NIPAL3: variants seen among roughly 807,000 people sequenced by gnomAD.
NIPAL3 encodes NIPA like domain containing 3, also known as NIPA-like protein 3.
A neutral mutation model predicts 47.2 loss-of-function variants in NIPAL3; 41 were observed. That is an observed-to-expected ratio of 0.87 (90% confidence interval 0.68 to 1.13). NIPAL3 has a LOEUF of 1.13. Among genes scored for constraint, NIPAL3 ranks in the 50% most tolerant of loss-of-function variants. The pLI is 0.00. For synonymous variants in NIPAL3, 194 were observed against 209.6 expected, an observed-to-expected ratio of 0.93 and a Z score of 0.64; for missense variants, 449 against 530.1, an observed-to-expected ratio of 0.85 and a Z score of 1.50.
chr1:24,431,540 A>T (rs1644878560), intron 2 of NIPAL3, among the ~76,000 whole-genome samples: 1 of 152,112 alleles, frequency 6.6e-6, no homozygotes, highest in African/African-American at 2.4e-5. Context: ...TTATTTTATG[A>T]CCTTTAAGTG....
In NIPAL3 at chr1:24,469,017, T is replaced by G; in HGVS notation, c.1053T>G (p.Thr351=). ...AGAACATGCACGATAAAGGGATGAC[T>G]GTCCAGCCTGAACTTAAAGCTTCTT... ...GMQNMHDKGM[T]VQPELKASFS... is the part of the protein sequence containing the mutation. Residue 351 remains threonine (T), a synonymous_variant, in exon 12 of 12, where the codon ACT becomes ACG. Transcript: ENST00000374399. The G allele has an allele frequency of 1.2e-6, 2 of 1,614,218 alleles. No individual in the cohort carries two copies. Among genetic ancestry groups the G allele is most frequent in the South Asian group, 2.2e-5 (2 of 91,084 alleles).
At chr1:24,445,115 G>C (rs1302416545) in intron 4 of NIPAL3, 70 bp from the exon 5 acceptor site, 1 of 1,049,266 alleles carries the variant, frequency 9.5e-7, no homozygotes, top group Non-Finnish European at 1.5e-6. Flanking sequence ...CACCCAGAGG[G>C]CATGGGTGAA....
rs1645028854 is a variant in NIPAL3, at chr1:24,434,882, A to T, written c.94-5290A>T. On this transcript the variant is annotated intron_variant, in intron 2 of 11. Coordinates refer to ENST00000374399, the MANE Select transcript of NIPAL3 (RefSeq NM_020448.5). ...TGAAAAAAATCACAAGGGAAATTAT[A>T]GGAACTACCTCGAGACAAACTGATC... Among the ~76,000 whole-genome samples the T allele has an allele frequency of 1.3e-5, 2 of 152,220 alleles. 1 individual carries two copies. The highest frequency in any genetic ancestry group is 4.8e-5 in the African/African-American group (2 of 41,460).
intron 11 of NIPAL3, chr1:24,465,819 G>C: frequency 1.3e-6 from 1 of 790,392 alleles, no homozygotes; most frequent in Non-Finnish European, 1.8e-6. Context: ...TAGATGCCTG[G>C]TTATATTTGG....
Position 24,468,982 on chromosome 1 carries a change from T to A in NIPAL3, c.1022-4T>A, listed in dbSNP as rs150020630. 5.1e-4 allele frequency: 827 copies of A among 1,613,814 alleles called. 6 individuals carry two copies. The African/African-American group carries it at 9.4e-3, about 18-fold the overall frequency. ...TGATTTGGAGAAAATGGATTTCATT[T>A]CAGGTATGCAGAACATGCACGATAA... is the stretch of plus-strand genomic sequence containing the variant. On this transcript the variant is annotated splice_polypyrimidine_tract_variant and splice_region_variant and intron_variant, in intron 11 of 11. Transcript: ENST00000374399.
In NIPAL3 at chr1:24,456,235, G is replaced by T; in HGVS notation, c.735G>T (p.Met245Ile). 6.2e-7 allele frequency: 1 copy of T among 1,614,228 alleles called. No homozygotes were observed. The highest frequency in any genetic ancestry group is 8.5e-7 in the Non-Finnish European group (1 of 1,180,034). Residue 245 changes from methionine to isoleucine, a missense_variant, in exon 8 of 12, where the codon ATG (methionine) becomes ATT (isoleucine). Transcript: ENST00000374399. The part of the protein sequence containing the change: ...LQLDYPIFYV[M>I]FVCMVATAVY... ...TTGACTACCCCATCTTCTACGTGAT[G>T]TTCGTGTGCATGGTGGCAACCGCCG...
At chr1:24,433,703 T>G (rs750943559) in intron 2 of NIPAL3, among the ~76,000 whole-genome samples, 2 of 152,184 alleles carry the variant, frequency 1.3e-5, no homozygotes, top group Admixed American at 6.5e-5. Flanking sequence ...GAGGCTCCAG[T>G]TAGATATAAT....
rs1036928883 is a variant in NIPAL3, at chr1:24,432,346, C to T, written c.94-7826C>T. On this transcript the variant is annotated intron_variant, in intron 2 of 11. Transcript: ENST00000374399. ...TTCTCCATGTTTGTCAGGCTGGTCT[C>T]GAACTCCCAACCTCAGGTGATCTGC... 4.6e-5 allele frequency among the ~76,000 whole-genome samples: 7 copies of T among 152,174 alleles called. No homozygotes were observed. The East Asian group carries it at 1.2e-3, about 25-fold the overall frequency.
chr1:24,468,972 G>T lies in NIPAL3; in HGVS notation c.1022-14G>T. 1 of 1,613,366 alleles carries T rather than the reference G, an allele frequency of 6.2e-7. No individual in the cohort carries two copies. The highest frequency in any genetic ancestry group is 8.5e-7 in the Non-Finnish European group (1 of 1,179,452). On this transcript the variant is annotated splice_polypyrimidine_tract_variant and intron_variant, in intron 11 of 11. Transcript: ENST00000374399. ...TACCGCGTAATGATTTGGAGAAAAT[G>T]GATTTCATTTCAGGTATGCAGAACA...
intron 9 of NIPAL3, 75 bp downstream of exon 9, chr1:24,459,051 G>A (rs972435026): frequency 9.4e-6 from 12 of 1,281,324 alleles, no homozygotes; most frequent in Non-Finnish European, 1.2e-5. Context: ...GAGGGAGGCT[G>A]ATTCTGCTGA....
At position 24,470,904 on chromosome 1, in the gene NIPAL3, G is replaced by A. The variant is rs568907965; in HGVS notation, c.*1719G>A. On this transcript the variant is annotated 3_prime_UTR_variant, in exon 12 of 12. Coordinates refer to ENST00000374399, the MANE Select transcript of NIPAL3 (RefSeq NM_020448.5). ...GTATCAATTCAACAATATTTATAAG[G>A]CATTTACTGTGTGCTAAGCATTTGG... The A allele has an allele frequency of 4.6e-5, 7 of 152,314 alleles. No individual in the cohort carries two copies. The highest frequency in any genetic ancestry group is 4.6e-4 in the Admixed American group (7 of 15,290). 9.4% of individuals were successfully genotyped at this position (152,314 alleles called of 1,614,324 possible). A position where few individuals can be genotyped will look rare whatever the true frequency, so the allele number is the denominator to read the frequency against.
chr1:24,445,433 G>A (rs1407160550), intron 5 of NIPAL3, among the ~76,000 whole-genome samples, 189 bp downstream of exon 5: 1 of 152,080 alleles, frequency 6.6e-6, no homozygotes, highest in Admixed American at 6.5e-5. Flanking sequence ...CCACACCTCA[G>A]AATCATCGGT....
At chr1:24,464,934 T>A (rs550757646) in intron 11 of NIPAL3, 2 of 152,390 alleles carry the variant, frequency 1.3e-5, no homozygotes, top group African/African-American at 4.8e-5. Flanking sequence ...TTTCATGCTG[T>A]AACGCTGTGA....
intron 11 of NIPAL3, chr1:24,465,834 A>G: frequency 9.6e-7 from 1 of 1,041,392 alleles, no homozygotes; most frequent in Non-Finnish European, 1.3e-6. Flanking sequence ...ATTTGGTTTC[A>G]CTTCCCTTTT....
At chr1:24,468,242 G>C (rs373705029) in intron 11 of NIPAL3, among the ~76,000 whole-genome samples, 60 of 152,268 alleles carry the variant, frequency 3.9e-4, no homozygotes, top group Non-Finnish European at 6.9e-4. Flanking sequence ...TGGAGCCCCA[G>C]AGGTTGAGGC....
At chr1:24,440,263 G>C in intron 3 of NIPAL3, 23 bp downstream of exon 3, 1 of 1,546,326 alleles carries the variant, frequency 6.5e-7, no homozygotes, top group Non-Finnish European at 8.7e-7. Flanking sequence ...TACCAGCACT[G>C]TCTGGGGACA....
At chr1:24,453,538 C>T in intron 7 of NIPAL3, 34 bp downstream of exon 7, 3 of 1,518,472 alleles carry the variant, frequency 2.0e-6, no homozygotes, top group Non-Finnish European at 1.8e-6. Context: ...AGTTTTGCCA[C>T]CACCAAGAAG....
rs1455210808 is a variant in NIPAL3, at chr1:24,453,423, C to G, written c.556C>G (p.Leu186Val). The change falls in exon 7 of 12, where the codon CTG becomes GTG. Residue 186 changes from leucine (L) to valine (V), a missense_variant. Leu to Val is a conservative substitution (Grantham distance 32). Transcript: ENST00000374399. ...CCTTCCACAGCTGGTGGAGATCATT[C>G]TGTTCTGCTTGCTGCTCTACTTCTA... The part of the protein sequence containing the change: ...FLLYMLVEII[L>V]FCLLLYFYKE... 1 of 1,613,386 alleles carries G rather than the reference C, an allele frequency of 6.2e-7. No individual in the cohort carries two copies. The highest frequency in any genetic ancestry group is 8.5e-7 in the Non-Finnish European group (1 of 1,179,612).
chr1:24,463,549 A>G (rs1646569108), intron 10 of NIPAL3, among the ~76,000 whole-genome samples: 1 of 152,202 alleles, frequency 6.6e-6, no homozygotes, highest in Admixed American at 6.5e-5. Flanking sequence ...CTATAGGAAA[A>G]AGGGAAAAAA....
Sources: gnomAD v4.1 joint callset for allele counts (sites outside exome capture counted in the v4.1 genomes callset) on GRCh38, gnomAD v4.1.1 for gene constraint, MANE v1.5 for transcripts, NCBI Gene and HGNC (gene_info 2026-07-23, HGNC 2026-07-21) for gene names.